Variants in RAPGEF4 observed in about 807,000 individuals in gnomAD.
RAPGEF4 encodes Rap guanine nucleotide exchange factor 4.
RAPGEF4 carries 66 observed loss-of-function variants against 147.9 expected under a neutral mutation model. The ratio of observed to expected loss-of-function variants is 0.45; its 90% CI spans 0.37 to 0.55. The LOEUF (loss-of-function observed/expected upper bound fraction) is 0.55. Among genes scored for constraint, RAPGEF4 ranks in the 20% least tolerant of loss-of-function variants. RAPGEF4 has a pLI of 0.00. For missense variants in RAPGEF4, 1,071 were observed against 1,257.3 expected (o/e 0.85, Z 2.24); for synonymous variants, 419 against 442.7 (o/e 0.95, Z 0.67).
chr2:172,965,258 C>G (rs2105491300), intron 8 of RAPGEF4: 2 of 361,294 alleles, frequency 5.5e-6, no homozygotes, highest in Middle Eastern at 7.7e-4. Context: ...TTCTGTTCCT[C>G]TGATTAGCTT....
intron 3 of RAPGEF4, among the ~76,000 whole-genome samples, chr2:172,805,330 A>G (rs1205886647): frequency 6.6e-6 from 1 of 152,162 alleles, no homozygotes; most frequent in Non-Finnish European, 1.5e-5. Flanking sequence ...TGTTTGTCCT[A>G]AGAATTGTAG....
At chr2:172,900,439 A>G (rs1251404154) in intron 4 of RAPGEF4, among the ~76,000 whole-genome samples, 1 of 152,124 alleles carries the variant, frequency 6.6e-6, no homozygotes, top group Admixed American at 6.6e-5. Flanking sequence ...GGGTCTTGCC[A>G]TGTTGTCCAG....
intron 1 of RAPGEF4, among the ~76,000 whole-genome samples, chr2:172,789,584 A>G (rs531560184): frequency 6.6e-6 from 1 of 152,276 alleles, no homozygotes; most frequent in South Asian, 2.1e-4. Context: ...ATCTTTCTTG[A>G]CTGAAACTCT....
intron 4 of RAPGEF4, among the ~76,000 whole-genome samples, chr2:172,873,937 A>G (rs1319178163): frequency 6.6e-6 from 1 of 152,194 alleles, no homozygotes; most frequent in Non-Finnish European, 1.5e-5. Context: ...GCCAACAAAC[A>G]TATGAAAAAA....
At chr2:173,007,169 G>T (rs570957429) in intron 17 of RAPGEF4, among the ~76,000 whole-genome samples, 1 of 152,170 alleles carries the variant, frequency 6.6e-6, no homozygotes, top group Admixed American at 6.5e-5. Context: ...AACAAGATTT[G>T]AACCCAAGCA....
At chr2:172,914,138 A>G (rs1299980968) in intron 4 of RAPGEF4, among the ~76,000 whole-genome samples, 1 of 152,082 alleles carries the variant, frequency 6.6e-6, no homozygotes, top group African/African-American at 2.4e-5. Flanking sequence ...ATAACCCATC[A>G]TCGTCTCAGA....
At chr2:172,756,529 T>C (rs1695794143) in intron 1 of RAPGEF4, among the ~76,000 whole-genome samples, 1 of 152,214 alleles carries the variant, frequency 6.6e-6, no homozygotes, top group African/African-American at 2.4e-5. Flanking sequence ...TTGTGTCTAG[T>C]CTCCCTTTTG....
At chr2:172,802,078 C>A (rs55990160) in intron 3 of RAPGEF4, among the ~76,000 whole-genome samples, 1 of 152,004 alleles carries the variant, frequency 6.6e-6, no homozygotes, top group Non-Finnish European at 1.5e-5. Context: ...TTAGAACTGA[C>A]GGTGATGGGA....
chr2:172,941,259 A>G (rs1258345610), intron 6 of RAPGEF4, among the ~76,000 whole-genome samples: 1 of 152,162 alleles, frequency 6.6e-6, no homozygotes, highest in Non-Finnish European at 1.5e-5. Context: ...ATGGTGAGAA[A>G]GAATACCCTT....
At chr2:172,973,235 C>A (rs1226000103) in intron 10 of RAPGEF4, among the ~76,000 whole-genome samples, 1 of 152,020 alleles carries the variant, frequency 6.6e-6, no homozygotes, top group South Asian at 2.1e-4. Context: ...ACCTCAGCCT[C>A]CCGAGTAGCT....
At chr2:173,024,243 A>G (rs1315217588) in intron 23 of RAPGEF4, among the ~76,000 whole-genome samples, 29 of 129,756 alleles carry the variant, frequency 2.2e-4, no homozygotes, top group African/African-American at 8.1e-4. Flanking sequence ...TTTGAGACGG[A>G]GTCTCGCTCT....
At chr2:172,749,381 C>T (rs1483237340) in intron 1 of RAPGEF4, among the ~76,000 whole-genome samples, 1 of 152,242 alleles carries the variant, frequency 6.6e-6, no homozygotes, top group East Asian at 1.9e-4. Flanking sequence ...CTTCTGAACA[C>T]CTGTAGGTTC....
intron 12 of RAPGEF4, among the ~76,000 whole-genome samples, chr2:172,986,856 G>T (rs533576164): frequency 3.3e-5 from 5 of 152,040 alleles, no homozygotes; most frequent in Non-Finnish European, 7.4e-5. Context: ...ACCACGCCCA[G>T]CTAATTTTTT....
At chr2:172,744,759 T>C (rs1694625203) in intron 1 of RAPGEF4, among the ~76,000 whole-genome samples, 2 of 152,194 alleles carry the variant, frequency 1.3e-5, no homozygotes, top group Non-Finnish European at 1.5e-5. Context: ...TTGTTTTGGT[T>C]ATGATCTTAT....
chr2:173,001,684 C>A (rs888569823), intron 17 of RAPGEF4, among the ~76,000 whole-genome samples: 1 of 152,030 alleles, frequency 6.6e-6, no homozygotes, highest in African/African-American at 2.4e-5. Context: ...AAGTATCGTG[C>A]CAGCCTCTGT....
intron 1 of RAPGEF4, among the ~76,000 whole-genome samples, chr2:172,744,706 A>G (rs916250106): frequency 1.3e-5 from 2 of 152,202 alleles, no homozygotes; most frequent in African/African-American, 4.8e-5. Flanking sequence ...TTTGCCAGGA[A>G]TGCCAGGACA....
At chr2:172,919,168 C>A (rs543124750) in intron 5 of RAPGEF4, among the ~76,000 whole-genome samples, 1 of 152,246 alleles carries the variant, frequency 6.6e-6, no homozygotes, top group South Asian at 2.1e-4. Context: ...TGTCTTCTAG[C>A]TGACATCTGG....
chr2:172,812,394 T>G (rs1688108979), intron 3 of RAPGEF4, among the ~76,000 whole-genome samples: 1 of 152,162 alleles, frequency 6.6e-6, no homozygotes. Flanking sequence ...GAAATTTTGT[T>G]GTATGTGATA....
At chr2:172,882,390 C>A (rs781387901) in intron 4 of RAPGEF4, among the ~76,000 whole-genome samples, 6 of 152,142 alleles carry the variant, frequency 3.9e-5, no homozygotes, top group Non-Finnish European at 8.8e-5. Flanking sequence ...ACTTAATGGG[C>A]CTCACTCAGG....
Sources: allele counts gnomAD v4.1 joint callset (sites outside exome capture counted in the v4.1 genomes callset), GRCh38; gene constraint gnomAD v4.1.1; transcripts MANE v1.5; gene names NCBI Gene and HGNC (gene_info 2026-07-23, HGNC 2026-07-21).